The following CAPZB variants were observed in gnomAD, a reference collection of about 807,000 sequenced individuals.
CAPZB encodes the protein F-actin-capping protein subunit beta.
A neutral mutation model predicts 38.1 loss-of-function variants in CAPZB; 2 were observed. The ratio of observed to expected loss-of-function variants is 0.05; its 90% CI spans 0.02 to 0.17. The LOEUF is 0.17. Among genes scored for constraint, CAPZB ranks in the 10% least tolerant of loss-of-function variants. The pLI, the probability that CAPZB is intolerant of heterozygous loss-of-function variation, is 1.00. For missense variants in CAPZB, 161 were observed against 334.2 expected (o/e 0.48, Z 4.04); for synonymous variants, 107 against 127.4 (o/e 0.84, Z 1.08).
chr1:19,390,639 G>C (rs767612970), intron 2 of CAPZB, among the ~76,000 whole-genome samples: 19 of 152,100 alleles, frequency 1.2e-4, no homozygotes, highest in South Asian at 6.2e-4. Flanking sequence ...CTTCACCACC[G>C]ATACTTTTGC....
intron 4 of CAPZB, among the ~76,000 whole-genome samples, chr1:19,378,216 G>C (rs1281232035): frequency 6.6e-6 from 1 of 152,244 alleles, no homozygotes; most frequent in East Asian, 1.9e-4. Flanking sequence ...CTTATACACA[G>C]TAGGCACTGT....
At chr1:19,378,219 G>C (rs1271410953) in intron 4 of CAPZB, among the ~76,000 whole-genome samples, 4 of 152,218 alleles carry the variant, frequency 2.6e-5, no homozygotes, top group Non-Finnish European at 4.4e-5. Context: ...ATACACAGTA[G>C]GCACTGTACC....
intron 1 of CAPZB, among the ~76,000 whole-genome samples, chr1:19,437,016 C>A (rs975461778): frequency 6.6e-6 from 1 of 152,134 alleles, no homozygotes; most frequent in African/African-American, 2.4e-5. Context: ...GCTCAGTGAT[C>A]GAAGCTGAGC....
intron 1 of CAPZB, among the ~76,000 whole-genome samples, chr1:19,450,144 C>CAAAAAAAAAAAAAAAAAAAAAAAAAAA (rs71008167): frequency 1.4e-4 from 5 of 35,452 alleles, no homozygotes; most frequent in Non-Finnish European, 1.9e-4. Context: ...ACCCTGTCTC[C>CAAAAAAAAAAAAAAAAAAAAAAAAAAA]AAAAAAAAAA....
intron 4 of CAPZB, among the ~76,000 whole-genome samples, chr1:19,365,783 G>A (rs577896943): frequency 4.0e-5 from 6 of 151,822 alleles, no homozygotes; most frequent in African/African-American, 7.3e-5. Flanking sequence ...GCGGTGAGCC[G>A]AGATCATGCC....
At chr1:19,464,072 A>G (rs1189703802) in intron 1 of CAPZB, among the ~76,000 whole-genome samples, 1 of 151,390 alleles carries the variant, frequency 6.6e-6, no homozygotes, top group Non-Finnish European at 1.5e-5. Flanking sequence ...CTGTAATCTC[A>G]GCTACTCAGG....
intron 4 of CAPZB, among the ~76,000 whole-genome samples, chr1:19,368,485 T>C (rs2094102248): frequency 1.5e-5 from 2 of 132,892 alleles, no homozygotes; most frequent in Admixed American, 7.5e-5. Flanking sequence ...CGTCTCCATT[T>C]TTTTTCTTGG....
At chr1:19,350,076 G>T (rs1466904262) in intron 6 of CAPZB, among the ~76,000 whole-genome samples, 5 of 152,212 alleles carry the variant, frequency 3.3e-5, no homozygotes, top group Admixed American at 3.3e-4. Flanking sequence ...CCCAGCAGGC[G>T]CCTCTCCTCC....
intron 8 of CAPZB, among the ~76,000 whole-genome samples, chr1:19,343,077 G>A (rs888935770): frequency 9.9e-5 from 15 of 152,138 alleles, no homozygotes; most frequent in African/African-American, 3.1e-4. Context: ...ACCACCACCC[G>A]CAGGCTCTTC....
Position 19,387,607 on chromosome 1 carries a change from G to A in CAPZB, c.94-1981C>T, listed in dbSNP as rs1570084607. On this transcript the variant is annotated intron_variant, in intron 2 of 8. Coordinates refer to ENST00000264202, the MANE Select transcript of CAPZB (RefSeq NM_004930.5). Reference sequence around the variant, plus strand: ...CTGGAACCCATTCTCTCTGGTTGGAGTCCTGACACCATCAGCTCAATTTTT... The same window carrying A: ...CTGGAACCCATTCTCTCTGGTTGGAATCCTGACACCATCAGCTCAATTTTT... Among the ~76,000 whole-genome samples, 4 of 152,322 alleles carry A rather than the reference G, an allele frequency of 2.6e-5. No individual in the cohort carries two copies. The South Asian group carries it at 8.3e-4, about 32-fold the overall frequency.
intron 2 of CAPZB, among the ~76,000 whole-genome samples, chr1:19,399,677 G>C (rs1039461093): frequency 6.6e-6 from 1 of 152,194 alleles, no homozygotes. Context: ...GGTGTCAAGA[G>C]TGGGAGAGGA....
chr1:19,364,379 G>A (rs1165357730), intron 4 of CAPZB, among the ~76,000 whole-genome samples: 5 of 152,184 alleles, frequency 3.3e-5, no homozygotes, highest in African/African-American at 1.2e-4. Flanking sequence ...CACACCTCCA[G>A]TGACAGTGAA....
At chr1:19,448,752 C>T (rs10442634) in intron 1 of CAPZB, 392,254 of 1,514,846 alleles carry the variant, frequency 0.26, 51,609 homozygotes, top group Non-Finnish European at 0.27. Flanking sequence ...TCTCCCTTCA[C>T]CCTGGCAGTT....
chr1:19,469,348 T>A (rs1046274425), intron 1 of CAPZB, among the ~76,000 whole-genome samples: 4 of 152,232 alleles, frequency 2.6e-5, no homozygotes, highest in Non-Finnish European at 5.9e-5. Flanking sequence ...TGATATTGTT[T>A]TCCATTCATG....
intron 1 of CAPZB, among the ~76,000 whole-genome samples, chr1:19,452,977 T>C (rs1207812523): frequency 6.6e-6 from 1 of 151,844 alleles, no homozygotes. Flanking sequence ...CTAATTTTTT[T>C]TATTTTTAGT....
At chr1:19,471,853 G>A (rs1463780829) in intron 1 of CAPZB, among the ~76,000 whole-genome samples, 3 of 96,660 alleles carry the variant, frequency 3.1e-5, no homozygotes, top group Non-Finnish European at 4.1e-5. Flanking sequence ...GAGACAAAGC[G>A]AGACTCCGTC....
In CAPZB at chr1:19,404,100, G is replaced by C. The variant is rs547471039; in HGVS notation, c.93+15561C>G. On this transcript the variant is annotated intron_variant, in intron 2 of 8. Transcript: ENST00000264202. ...ATACAAAAATTAGCTGGCTATAGTG[G>C]TACACACCTGTAGTCCCAGCTACTC... Among the ~76,000 whole-genome samples the C allele has an allele frequency of 2.0e-5, 3 of 151,980 alleles. No individual in the cohort carries two copies. The South Asian group carries it at 6.2e-4, about 32-fold the overall frequency.
In CAPZB at chr1:19,355,351, T is replaced by C. The variant is rs541268167; in HGVS notation, c.588+1284A>G. Among the ~76,000 whole-genome samples, 4 of 151,994 alleles carry C rather than the reference T, an allele frequency of 2.6e-5. No individual in the cohort carries two copies. In the East Asian group the frequency reaches 7.8e-4, roughly 29 times the overall value. On this transcript the variant is annotated intron_variant, in intron 6 of 8. Transcript: ENST00000264202. ...TCTACTAAAAATACAAAAAATGAGCTGGGCGTGGTGGTGCACGCTTGTAAT... is the reference window on the plus strand; with the variant it reads ...TCTACTAAAAATACAAAAAATGAGCCGGGCGTGGTGGTGCACGCTTGTAAT...
At chr1:19,462,315 A>G (rs200833271) in intron 1 of CAPZB, among the ~76,000 whole-genome samples, 3 of 151,282 alleles carry the variant, frequency 2.0e-5, no homozygotes, top group African/African-American at 7.3e-5. Context: ...AAAATTAGCC[A>G]GGCGTGGTGG....
Sources: gnomAD v4.1 joint callset for allele counts (sites outside exome capture counted in the v4.1 genomes callset) on GRCh38, gnomAD v4.1.1 for gene constraint, MANE v1.5 for transcripts, NCBI Gene and HGNC (gene_info 2026-07-23, HGNC 2026-07-21) for gene names.